Variants in PHTF2 observed in about 807,000 individuals in gnomAD.
The protein encoded by PHTF2 is protein PHTF2.
A neutral mutation model predicts 101.2 loss-of-function variants in PHTF2; 60 were observed. The ratio of observed to expected loss-of-function variants is 0.59; its 90% confidence interval spans 0.48 to 0.73. The LOEUF is 0.73. PHTF2 is among the 30% of genes least tolerant of loss of function. The pLI is 0.00. For missense variants in PHTF2, 747 were observed against 908.7 expected (o/e 0.82, Z 2.29); for synonymous variants, 311 against 307.3 (o/e 1.01, Z -0.13).
intron 9 of PHTF2, among the ~76,000 whole-genome samples, chr7:77,911,730 A>C (rs991971935): frequency 3.9e-5 from 6 of 152,218 alleles, no homozygotes; most frequent in African/African-American, 1.4e-4. Flanking sequence ...GTTTACAGTA[A>C]CATGGCATTA....
chr7:77,928,801 C>CTACT (rs2150940909), intron 11 of PHTF2, among the ~76,000 whole-genome samples: 1 of 152,314 alleles, frequency 6.6e-6, no homozygotes, highest in East Asian at 1.9e-4. Flanking sequence ...TGAACTTAGA[C>CTACT]TACTTAGACT....
intron 3 of PHTF2, among the ~76,000 whole-genome samples, chr7:77,887,521 C>G (rs1325708283): frequency 6.6e-6 from 1 of 152,038 alleles, no homozygotes; most frequent in African/African-American, 2.4e-5. Flanking sequence ...ATGTTTGTAT[C>G]TTAAGACTTC....
intron 1 of PHTF2, among the ~76,000 whole-genome samples, chr7:77,800,826 A>G (rs940335962): frequency 6.6e-6 from 1 of 152,234 alleles, no homozygotes; most frequent in Non-Finnish European, 1.5e-5. Flanking sequence ...CATTTTATAG[A>G]TGAGCAAACC....
intron 1 of PHTF2, among the ~76,000 whole-genome samples, chr7:77,803,381 T>C (rs1481541011): frequency 6.6e-6 from 1 of 152,214 alleles, no homozygotes; most frequent in African/African-American, 2.4e-5. Flanking sequence ...GAAAGTACTT[T>C]TGTAAGACCT....
In PHTF2 at chr7:77,946,439, G is replaced by GA. The variant is rs1303757586; in HGVS notation, c.1960-3231dup. ...TGGAGGGTATTAATCAGCAAAGATG[G>GA]AAAAAAAAGTGGTCTAAAGTTTGGG... On this transcript the variant is annotated intron_variant, in intron 16 of 19. Transcript: ENST00000416283. Among the ~76,000 whole-genome samples, 21 of 151,608 alleles carry GA rather than the reference G, an allele frequency of 1.4e-4. No individual in the cohort carries two copies. In the East Asian group the frequency reaches 3.3e-3, roughly 24 times the overall value.
chr7:77,945,867 G>C (rs1251603613), intron 16 of PHTF2, among the ~76,000 whole-genome samples: 1 of 152,084 alleles, frequency 6.6e-6, no homozygotes, highest in Non-Finnish European at 1.5e-5. Flanking sequence ...CTCCATACCC[G>C]TATGGTTTTA....
At chr7:77,880,906 T>C (rs368307472) in intron 3 of PHTF2, among the ~76,000 whole-genome samples, 22 of 152,336 alleles carry the variant, frequency 1.4e-4, no homozygotes, top group Middle Eastern at 6.8e-3. Context: ...CCTGGACTTT[T>C]GAACCTTGGT....
intron 3 of PHTF2, among the ~76,000 whole-genome samples, chr7:77,867,538 C>T (rs974446775): frequency 3.3e-5 from 5 of 152,162 alleles, no homozygotes; most frequent in Non-Finnish European, 4.4e-5. Context: ...TTGATAAATG[C>T]TGACTACTTA....
In PHTF2 at chr7:77,876,111, T is replaced by G. The variant is rs558280634; in HGVS notation, c.148-17497T>G. ...TCTGCACTCTTTACTTAACAGTGATTCCACTCCCCACTTTACAACCAAATC... is the reference window on the plus strand; with the variant it reads ...TCTGCACTCTTTACTTAACAGTGATGCCACTCCCCACTTTACAACCAAATC... On this transcript the variant is annotated intron_variant, in intron 3 of 19. Coordinates refer to ENST00000416283, the Ensembl canonical transcript of PHTF2. Among the ~76,000 whole-genome samples the G allele has an allele frequency of 2.6e-5, 4 of 152,312 alleles. No individual in the cohort carries two copies. In the East Asian group the frequency reaches 7.7e-4, roughly 29 times the overall value.
At chr7:77,809,206 A>G (rs1025209236) in intron 1 of PHTF2, among the ~76,000 whole-genome samples, 2 of 144,654 alleles carry the variant, frequency 1.4e-5, no homozygotes, top group Non-Finnish European at 3.0e-5. Context: ...GCATTTTCCT[A>G]TATAAACCCA....
intron 1 of PHTF2, among the ~76,000 whole-genome samples, chr7:77,836,119 C>CAAAAAAAA (rs1210225270): frequency 3.3e-4 from 21 of 64,430 alleles, no homozygotes; most frequent in African/African-American, 7.7e-4. Flanking sequence ...AACTCCATCT[C>CAAAAAAAA]AAAAAAAAAA....
chr7:77,809,224 G>GTTTTTTTTTTTTTT lies in PHTF2; in HGVS notation c.-36+10260_-36+10273dup, dbSNP rs34141515. 1.3e-3 allele frequency among the ~76,000 whole-genome samples: 132 copies of GTTTTTTTTTTTTTT among 98,476 alleles called. 3 individuals carry two copies. Among genetic ancestry groups the GTTTTTTTTTTTTTT allele is most frequent in the Middle Eastern group, 6.5e-3 (1 of 154 alleles). 64.6% of individuals were successfully genotyped at this position (98,476 alleles called of 152,430 possible). On this transcript the variant is annotated intron_variant, in intron 1 of 19. Coordinates refer to ENST00000416283, the Ensembl canonical transcript of PHTF2. Reference sequence around the variant, plus strand: ...TTTTCCTATATAAACCCAGTTCGTTGTTTTTTTTTTTTTTTTTTTTGAGAT... The same window carrying GTTTTTTTTTTTTTT: ...TTTTCCTATATAAACCCAGTTCGTTGTTTTTTTTTTTTTTTTTTTTTTTTTTTTTTTTTTGAGAT...
At chr7:77,912,444 C>G (rs1802481977) in intron 9 of PHTF2, among the ~76,000 whole-genome samples, 1 of 152,104 alleles carries the variant, frequency 6.6e-6, no homozygotes, top group Non-Finnish European at 1.5e-5. Flanking sequence ...AGTGCTTAAA[C>G]TAAGCACTTA....
chr7:77,815,897 A>C (rs1022816163), intron 1 of PHTF2, among the ~76,000 whole-genome samples: 2 of 152,016 alleles, frequency 1.3e-5, no homozygotes, highest in East Asian at 3.8e-4. Flanking sequence ...TACAAGTCAC[A>C]TATCTTCTTT....
chr7:77,827,794 C>T (rs1285270391), intron 1 of PHTF2, among the ~76,000 whole-genome samples: 1 of 152,068 alleles, frequency 6.6e-6, no homozygotes, highest in African/African-American at 2.4e-5. Flanking sequence ...TGCCAGCCAC[C>T]ATGCCTGGCT....
intron 1 of PHTF2, among the ~76,000 whole-genome samples, chr7:77,817,592 G>A (rs1404486008): frequency 6.9e-6 from 1 of 145,112 alleles, no homozygotes; most frequent in African/African-American, 2.5e-5. Flanking sequence ...CCACCCCAAT[G>A]ATTCAGTTAC....
At chr7:77,862,946 C>G (rs931075154) in intron 3 of PHTF2, among the ~76,000 whole-genome samples, 2 of 152,184 alleles carry the variant, frequency 1.3e-5, no homozygotes, top group African/African-American at 4.8e-5. Context: ...TGCCATTTAA[C>G]AGGTAAACTT....
intron 1 of PHTF2, among the ~76,000 whole-genome samples, chr7:77,805,144 T>C (rs1355222801): frequency 6.6e-6 from 1 of 152,230 alleles, no homozygotes; most frequent in African/African-American, 2.4e-5. Flanking sequence ...TTAGCATTGA[T>C]AGTTTGTATT....
At chr7:77,860,280 T>A (rs1360037134) in intron 3 of PHTF2, among the ~76,000 whole-genome samples, 2 of 152,224 alleles carry the variant, frequency 1.3e-5, no homozygotes, top group African/African-American at 4.8e-5. Context: ...AAATTTATAC[T>A]CTTATTGAAA....
Sources: gnomAD v4.1 joint callset for allele counts (sites outside exome capture counted in the v4.1 genomes callset) on GRCh38, gnomAD v4.1.1 for gene constraint, MANE v1.5 for transcripts, NCBI Gene and HGNC (gene_info 2026-07-23, HGNC 2026-07-21) for gene names.